The following NKAIN2 variants were observed in gnomAD, a reference collection of about 807,000 sequenced individuals.
NKAIN2 encodes the protein sodium/potassium transporting ATPase interacting 2, also known as sodium/potassium-transporting ATPase subunit beta-1-interacting protein 2.
A neutral mutation model predicts 32.6 loss-of-function variants in NKAIN2; 14 were observed. The ratio of observed to expected loss-of-function variants is 0.43; its 90% CI spans 0.28 to 0.67. The LOEUF (loss-of-function observed/expected upper bound fraction) is 0.67. Among genes scored for constraint, NKAIN2 ranks in the 30% least tolerant of loss-of-function variants. The pLI is 0.17. For missense variants in NKAIN2, 198 were observed against 258.3 expected (o/e 0.77, Z 1.60); for synonymous variants, 80 against 87.2 (o/e 0.92, Z 0.46).
intron 1 of NKAIN2, among the ~76,000 whole-genome samples, chr6:124,143,037 C>G (rs975278286): frequency 1.5e-4 from 23 of 152,256 alleles, no homozygotes; most frequent in African/African-American, 5.5e-4. Flanking sequence ...CTCATTTGAA[C>G]TGTTTATGCT....
At chr6:123,985,418 C>T (rs982395794) in intron 1 of NKAIN2, among the ~76,000 whole-genome samples, 5 of 151,948 alleles carry the variant, frequency 3.3e-5, no homozygotes, top group African/African-American at 1.2e-4. Flanking sequence ...TTGTTTAATA[C>T]AGTAGAGTAC....
chr6:124,465,973 A>T (rs1020765791), intron 3 of NKAIN2, among the ~76,000 whole-genome samples: 1 of 152,138 alleles, frequency 6.6e-6, no homozygotes, highest in Non-Finnish European at 1.5e-5. Context: ...TTTAGGAAAA[A>T]ATATATTAAA....
intron 1 of NKAIN2, among the ~76,000 whole-genome samples, chr6:123,957,192 G>A (rs73773027): frequency 0.044 from 6,656 of 152,166 alleles, 444 homozygotes; most frequent in African/African-American, 0.14. Flanking sequence ...GGCTATGAAA[G>A]CACAGCATAG....
chr6:124,228,416 A>G (rs961513621), intron 1 of NKAIN2, among the ~76,000 whole-genome samples: 1 of 152,152 alleles, frequency 6.6e-6, no homozygotes, highest in Non-Finnish European at 1.5e-5. Context: ...AGCCTCTGGA[A>G]CTGTGAGTAA....
intron 2 of NKAIN2, among the ~76,000 whole-genome samples, chr6:124,325,560 A>G (rs1222908970): frequency 2.0e-5 from 3 of 152,180 alleles, no homozygotes; most frequent in Admixed American, 2.0e-4. Context: ...AAATAATACA[A>G]TAAAAGACAA....
At chr6:123,920,157 T>C (rs1775684052) in intron 1 of NKAIN2, among the ~76,000 whole-genome samples, 1 of 152,164 alleles carries the variant, frequency 6.6e-6, no homozygotes, top group Admixed American at 6.5e-5. Flanking sequence ...TTCCATGCGA[T>C]GCAGATTTTA....
chr6:124,360,061 A>T (rs1247293832), intron 3 of NKAIN2, among the ~76,000 whole-genome samples: 1 of 152,136 alleles, frequency 6.6e-6, no homozygotes, highest in Non-Finnish European at 1.5e-5. Context: ...TTCTGTTTAT[A>T]TGCTGGATTA....
At chr6:124,222,046 A>G (rs990634704) in intron 1 of NKAIN2, among the ~76,000 whole-genome samples, 4 of 152,166 alleles carry the variant, frequency 2.6e-5, no homozygotes, top group Non-Finnish European at 1.5e-5. Context: ...TTACCATTAA[A>G]TATTTTCACC....
chr6:123,987,848 C>T (rs1247599134), intron 1 of NKAIN2, among the ~76,000 whole-genome samples: 1 of 152,098 alleles, frequency 6.6e-6, no homozygotes, highest in Non-Finnish European at 1.5e-5. Flanking sequence ...TTAGAGCCAG[C>T]CATATCACAG....
intron 1 of NKAIN2, among the ~76,000 whole-genome samples, chr6:123,914,329 G>A (rs1306809562): frequency 2.6e-5 from 4 of 151,810 alleles, no homozygotes; most frequent in Admixed American, 6.6e-5. Context: ...GAAAAGATGA[G>A]AGAGAGGGAA....
intron 3 of NKAIN2, among the ~76,000 whole-genome samples, chr6:124,632,342 G>A (rs1355707265): frequency 6.6e-6 from 1 of 152,090 alleles, no homozygotes; most frequent in Non-Finnish European, 1.5e-5. Flanking sequence ...TAAATAAGAA[G>A]GCATAAGTTA....
intron 1 of NKAIN2, among the ~76,000 whole-genome samples, chr6:124,067,439 A>G (rs1371366443): frequency 6.6e-6 from 1 of 152,082 alleles, no homozygotes; most frequent in Non-Finnish European, 1.5e-5. Context: ...CCTGATTCTC[A>G]TAGCACCTCA....
At chr6:124,706,907 T>C (rs1013035234) in intron 4 of NKAIN2, among the ~76,000 whole-genome samples, 9 of 152,196 alleles carry the variant, frequency 5.9e-5, no homozygotes, top group African/African-American at 1.4e-4. Context: ...TAGTTACATA[T>C]GTATACATGT....
At chr6:124,247,317 T>A (rs1793459335) in intron 1 of NKAIN2, among the ~76,000 whole-genome samples, 1 of 152,138 alleles carries the variant, frequency 6.6e-6, no homozygotes, top group African/African-American at 2.4e-5. Flanking sequence ...TGCTGAGACA[T>A]TTTTAAAAAT....
chr6:123,987,072 A>C, intron 1 of NKAIN2, among the ~76,000 whole-genome samples: 1 of 152,204 alleles, frequency 6.6e-6, no homozygotes, highest in Admixed American at 6.5e-5. Flanking sequence ...CACATTACGA[A>C]GTTGTGAAAG....
At chr6:124,087,567 G>A (rs1784239896) in intron 1 of NKAIN2, among the ~76,000 whole-genome samples, 1 of 152,010 alleles carries the variant, frequency 6.6e-6, no homozygotes, top group Non-Finnish European at 1.5e-5. Context: ...ATTATAGCAA[G>A]TTGGTATGAC....
intron 3 of NKAIN2, among the ~76,000 whole-genome samples, chr6:124,601,533 G>A (rs1562278479): frequency 6.6e-6 from 1 of 151,988 alleles, no homozygotes; most frequent in African/African-American, 2.4e-5. Context: ...TGGGTTTTGT[G>A]GAAGTAAATG....
intron 1 of NKAIN2, among the ~76,000 whole-genome samples, chr6:124,185,370 G>T (rs1483253435): frequency 6.6e-6 from 1 of 152,074 alleles, no homozygotes; most frequent in Non-Finnish European, 1.5e-5. Flanking sequence ...CAGAAGTACT[G>T]TGTGTCAGCT....
intron 3 of NKAIN2, among the ~76,000 whole-genome samples, chr6:124,507,697 T>G (rs973896412): frequency 6.6e-6 from 1 of 152,184 alleles, no homozygotes; most frequent in African/African-American, 2.4e-5. Flanking sequence ...ATACTACATT[T>G]TTCTGCCATT....
Sources: gnomAD v4.1 joint callset for allele counts (sites outside exome capture counted in the v4.1 genomes callset) on GRCh38, gnomAD v4.1.1 for gene constraint, MANE v1.5 for transcripts, NCBI Gene and HGNC (gene_info 2026-07-23, HGNC 2026-07-21) for gene names.